Variants in DAB2 observed in about 807,000 individuals in gnomAD.
The protein encoded by DAB2 is DAB adaptor protein 2, also known as disabled homolog 2.
In DAB2, 28 loss-of-function variants were observed where a neutral mutation model predicts 71.6. The ratio of observed to expected loss-of-function variants is 0.39; its 90% confidence interval spans 0.29 to 0.54. The LOEUF (loss-of-function observed/expected upper bound fraction) is 0.54, where lower values mean the gene tolerates loss of function less well. Ranked by LOEUF, DAB2 falls within the 20% of genes least tolerant of loss-of-function variation. DAB2 has a pLI of 0.68. For synonymous variants in DAB2, 345 were observed against 339.7 expected (o/e 1.02, Z -0.17); for missense variants, 867 against 928.8 (o/e 0.93, Z 0.86).
chr5:39,384,984 G>GA lies in DAB2; in HGVS notation c.688-1714dup, dbSNP rs553184619. On this transcript the variant is annotated intron_variant, in intron 9 of 14. Transcript: ENST00000320816. ...AAATAGAACTCCTTGGCTTTTAAAAGAAAAAAAAATACCCAATTGTTTAGA... is the reference window on the plus strand; with the variant it reads ...AAATAGAACTCCTTGGCTTTTAAAAGAAAAAAAAAATACCCAATTGTTTAGA... Among the ~76,000 whole-genome samples the GA allele has an allele frequency of 1.5e-3, 228 of 150,030 alleles. 10 individuals are homozygous for GA. In the South Asian group the frequency reaches 0.04, roughly 26 times the overall value.
Position 39,375,066 on chromosome 5 carries a change from C to T in DAB2, c.2266G>A (p.Val756Ile). The part of the protein sequence containing the change: ...SQASVASSQP[V>I]SSEMYRDPFG... ...GGATCCCTATACATCTCAGAAGATA[C>T]AGGTTGAGAAGAAGCCACCTAAGAA... is the stretch of plus-strand genomic sequence containing the variant. Residue 756 changes from valine (V) to isoleucine (I), a missense_variant, in exon 14 of 15, where the codon GTA (valine) becomes ATA (isoleucine). Coordinates refer to ENST00000320816, the MANE Select transcript of DAB2 (RefSeq NM_001343.4). 6.2e-7 allele frequency: 1 copy of T among 1,610,610 alleles called. No homozygotes were observed. Among genetic ancestry groups the T allele is most frequent in the Non-Finnish European group, 8.5e-7 (1 of 1,177,978 alleles).
intron 1 of DAB2, among the ~76,000 whole-genome samples, chr5:39,400,723 C>A (rs1755478365): frequency 6.6e-6 from 1 of 152,090 alleles, no homozygotes; most frequent in Non-Finnish European, 1.5e-5. Flanking sequence ...AGTCATCATC[C>A]CACTGACATT....
intron 9 of DAB2, among the ~76,000 whole-genome samples, chr5:39,384,850 AGTT>A (rs1425039902): frequency 6.6e-6 from 1 of 152,132 alleles, no homozygotes; most frequent in Non-Finnish European, 1.5e-5. Flanking sequence ...AAGTTATAGT[AGTT>A]ATCTTGCATT....
At chr5:39,423,330 T>A (rs543009052) in intron 1 of DAB2, among the ~76,000 whole-genome samples, 1 of 1,006 alleles carries the variant, frequency 9.9e-4, no homozygotes, top group African/African-American at 0.025. Flanking sequence ...GACTTTCCCA[T>A]TGTACTCAAA....
At chr5:39,399,975 T>C (rs1692394803) in intron 1 of DAB2, among the ~76,000 whole-genome samples, 2 of 152,188 alleles carry the variant, frequency 1.3e-5, no homozygotes, top group South Asian at 4.1e-4. Context: ...AATATCATAA[T>C]ACAAGTGTCA....
chr5:39,423,316 A>G lies in DAB2; in HGVS notation c.-102+1488T>C, dbSNP rs575693916. On this transcript the variant is annotated intron_variant, in intron 1 of 14. Coordinates refer to ENST00000320816, the MANE Select transcript of DAB2 (RefSeq NM_001343.4). The stretch of plus-strand genomic sequence containing the variant: ...ACTAGGTCTTCTTCATGCTTTCTCT[A>G]GAAGACTTTCCCATTGTACTCAAAT... 3.7e-3 allele frequency among the ~76,000 whole-genome samples: 4 copies of G among 1,092 alleles called. No homozygotes were observed. In the South Asian group the frequency reaches 0.08, roughly 22 times the overall value. 0.7% of individuals were successfully genotyped at this position (1,092 alleles called of 152,430 possible). A position where few individuals can be genotyped will look rare whatever the true frequency, so the allele number is the denominator to read the frequency against.
chr5:39,398,227 G>A (rs576032242), intron 1 of DAB2, among the ~76,000 whole-genome samples: 1 of 152,286 alleles, frequency 6.6e-6, no homozygotes, highest in Admixed American at 6.5e-5. Flanking sequence ...TTGGGGGAGG[G>A]AACGGTGGCA....
intron 13 of DAB2, among the ~76,000 whole-genome samples, chr5:39,375,614 G>A (rs1754808449): frequency 1.3e-5 from 2 of 152,162 alleles, no homozygotes; most frequent in Admixed American, 1.3e-4. Context: ...GCCAGGTGCG[G>A]TGGCTCATGA....
chr5:39,413,317 GCT>G (rs1358934693), intron 1 of DAB2, among the ~76,000 whole-genome samples: 1 of 152,126 alleles, frequency 6.6e-6, no homozygotes, highest in African/African-American at 2.4e-5. Context: ...ATCTTGCCAA[GCT>G]CTGATGCTTA....
At chr5:39,403,239 A>G (rs2112083826) in intron 1 of DAB2, among the ~76,000 whole-genome samples, 1 of 152,294 alleles carries the variant, frequency 6.6e-6, no homozygotes, top group East Asian at 1.9e-4. Context: ...CAAGAAAGAG[A>G]GTTTGACTTG....
intron 10 of DAB2, 22 bp downstream of exon 10, chr5:39,382,596 A>G (rs1755003634): frequency 2.5e-6 from 4 of 1,603,406 alleles, no homozygotes; most frequent in African/African-American, 1.3e-5. Flanking sequence ...CTGCTAATGG[A>G]TATGTGGAGA....
At chr5:39,392,266 C>T (rs1579911100) in intron 4 of DAB2, 99 bp downstream of exon 4, 2 of 836,358 alleles carry the variant, frequency 2.4e-6, no homozygotes, top group Non-Finnish European at 4.1e-6. Context: ...TTGTTCCCCA[C>T]AGAACTTTGA....
intron 1 of DAB2, among the ~76,000 whole-genome samples, chr5:39,398,060 A>C (rs1026114837): frequency 1.2e-4 from 18 of 152,158 alleles, no homozygotes; most frequent in African/African-American, 3.1e-4. Flanking sequence ...TGGGCTTAAG[A>C]GTCTGTTGCC....
chr5:39,424,853 G>C lies in DAB2; in HGVS notation c.-151C>G, dbSNP rs1383625862. 1 of 152,566 alleles carries C rather than the reference G, an allele frequency of 6.6e-6. No individual in the cohort carries two copies. Among genetic ancestry groups the C allele is most frequent in the Non-Finnish European group, 1.5e-5 (1 of 68,032 alleles). The allele number at this position is 152,566 out of a possible 1,614,324, so 9.5% of individuals were successfully genotyped here. The stretch of plus-strand genomic sequence containing the variant: ...CGAGCATGACTTCCCCGCGCCCGGA[G>C]CCTCCAGGCTACAGCGCAGCGGATG... On this transcript the variant is annotated 5_prime_UTR_variant, in exon 1 of 15. Transcript: ENST00000320816.
intron 11 of DAB2, among the ~76,000 whole-genome samples, chr5:39,378,876 A>G (rs1025659525): frequency 6.6e-6 from 1 of 152,248 alleles, no homozygotes; most frequent in African/African-American, 2.4e-5. Context: ...TACAGAAATT[A>G]GACTTCATTT....
intron 11 of DAB2, among the ~76,000 whole-genome samples, chr5:39,380,102 G>T (rs541052305): frequency 6.6e-6 from 1 of 152,316 alleles, no homozygotes; most frequent in South Asian, 2.1e-4. Flanking sequence ...TCTTCTGTGA[G>T]GGAAGGGTAC....
Position 39,377,044 on chromosome 5 carries a change from G to A in DAB2, c.1743C>T (p.Pro581=). 3 of 1,614,112 alleles carry A rather than the reference G, an allele frequency of 1.9e-6. No individual in the cohort carries two copies. The South Asian group carries it at 3.3e-5, about 18-fold the overall frequency. ...VVWGPSASVA[P]NAWSTTSPLG... The stretch of plus-strand genomic sequence containing the variant: ...AAGGGCTTGTTGTTGACCAAGCATT[G>A]GGTGCCACAGATGCAGAAGGGCCCC... The change falls in exon 12 of 15, where the codon CCC becomes CCT. Residue 581 remains proline (P), a synonymous_variant. Coordinates refer to ENST00000320816, the MANE Select transcript of DAB2 (RefSeq NM_001343.4).
intron 10 of DAB2, 81 bp downstream of exon 10, chr5:39,382,537 C>A: frequency 7.2e-7 from 1 of 1,395,122 alleles, no homozygotes; most frequent in Non-Finnish European, 9.9e-7. Context: ...ACGAGAGCAG[C>A]AGGAAAGAGA....
At chr5:39,374,524 A>G (rs1579895888) in intron 14 of DAB2, among the ~76,000 whole-genome samples, 1 of 152,218 alleles carries the variant, frequency 6.6e-6, no homozygotes, top group South Asian at 2.1e-4. Context: ...ATTTAATACC[A>G]TCAGACTCTT....
Sources: allele counts gnomAD v4.1 joint callset (sites outside exome capture counted in the v4.1 genomes callset), GRCh38; gene constraint gnomAD v4.1.1; transcripts MANE v1.5; gene names NCBI Gene and HGNC (gene_info 2026-07-23, HGNC 2026-07-21).